Variants in CELF2 observed in about 807,000 individuals in gnomAD.
CELF2 encodes the protein CUGBP Elav-like family member 2.
CELF2 carries 8 observed loss-of-function variants against 62.6 expected under a neutral mutation model. That is an observed-to-expected ratio of 0.13 (90% CI 0.07 to 0.23). The LOEUF is 0.23. Ranked by LOEUF, CELF2 falls within the 10% of genes least tolerant of loss-of-function variation. The pLI is 1.00. For synonymous variants in CELF2, 258 were observed against 250.0 expected, an observed-to-expected ratio of 1.03 and a Z score of -0.30; for missense variants, 333 against 671.0, an observed-to-expected ratio of 0.50 and a Z score of 5.56.
chr10:10,470,573 C>G, the CELF2 span, among the ~76,000 whole-genome samples: 12 of 151,910 alleles, frequency 7.9e-5, no homozygotes, highest in East Asian at 2.1e-3. Context: ...CTGTAGACTT[C>G]CTCCTCAATC....
the CELF2 span, among the ~76,000 whole-genome samples, chr10:10,509,193 G>A: frequency 6.6e-6 from 1 of 152,128 alleles, no homozygotes; most frequent in East Asian, 1.9e-4. Flanking sequence ...TCATAATGTG[G>A]ATGTAAAGAG....
chr10:10,583,089 G>C, the CELF2 span, among the ~76,000 whole-genome samples: 1 of 152,286 alleles, frequency 6.6e-6, no homozygotes, highest in Non-Finnish European at 1.5e-5. Flanking sequence ...GAAAGACATA[G>C]GGGATAATGA....
chr10:10,635,632 A>G, the CELF2 span, among the ~76,000 whole-genome samples: 1 of 152,202 alleles, frequency 6.6e-6, no homozygotes, highest in African/African-American at 2.4e-5. Context: ...TCAAGTATAT[A>G]GATACATGTT....
the CELF2 span, among the ~76,000 whole-genome samples, chr10:10,757,238 A>G: frequency 1.3e-5 from 2 of 152,106 alleles, no homozygotes; most frequent in Admixed American, 6.6e-5. Context: ...TAGGAACATC[A>G]CTTGTGGCCA....
chr10:11,323,107 C>G (rs2095530742), intron 11 of CELF2, among the ~76,000 whole-genome samples: 1 of 152,144 alleles, frequency 6.6e-6, no homozygotes, highest in South Asian at 2.1e-4. Flanking sequence ...GAGGTTTCAT[C>G]TGAGCCCACT....
rs114975127 is a variant in CELF2, at chr10:11,328,389, C to G, written c.1439-537C>G. ...TCCTCCAGCTAAACAGGTGTAGGCT[C>G]TGTGTGACAGACGATGGAGAGCTCG... On this transcript the variant is annotated intron_variant, in intron 12 of 12. Coordinates refer to ENST00000633077, the MANE Select transcript of CELF2 (RefSeq NM_001326342.2). This position sits in a 1 kb window ranked among gnomAD's most constrained non-coding sequence, Gnocchi z 6.4. Among the ~76,000 whole-genome samples the G allele has an allele frequency of 3.3e-5, 5 of 152,034 alleles. No individual in the cohort carries two copies. The highest frequency in any genetic ancestry group is 7.3e-5 in the African/African-American group (3 of 41,376).
rs950714750 is a variant in CELF2 at position 10,947,282 on chromosome 10, T to A, written c.89+27283T>A. On this transcript the variant is annotated intron_variant, in intron 2 of 13. Coordinates refer to the CELF2 transcript ENST00000636488. This position sits in a 1 kb window ranked among gnomAD's most constrained non-coding sequence, Gnocchi z 4.1. Reference sequence around the variant, plus strand: ...ATGCACAGTTGGAAGGACATTTCTCTGGCCATCCTGAGCACATTTTTTCCT... The same window carrying A: ...ATGCACAGTTGGAAGGACATTTCTCAGGCCATCCTGAGCACATTTTTTCCT... The A allele has an allele frequency of 6.6e-6, 1 of 152,588 alleles. No individual in the cohort carries two copies. Among genetic ancestry groups the A allele is most frequent in the Non-Finnish European group, 1.5e-5 (1 of 68,054 alleles). 9.5% of individuals were successfully genotyped at this position (152,588 alleles called of 1,614,324 possible).
chr10:10,832,667 G>A (rs918294052), intron 1 of CELF2, among the ~76,000 whole-genome samples: 4 of 152,162 alleles, frequency 2.6e-5, no homozygotes, highest in Non-Finnish European at 5.9e-5. Flanking sequence ...ATTCAGGGCG[G>A]AAATCCCATA....
chr10:11,005,258 G>T (rs900465187), upstream of CELF2: 86 of 796,524 alleles, frequency 1.1e-4, no homozygotes, highest in Non-Finnish European at 1.4e-4. The surrounding 1 kb of genome is among the most constrained non-coding windows in gnomAD (Gnocchi z 4.3). Context: ...GAGAGAGGGA[G>T]AGAGAGAGAG....
At chr10:10,475,732 T>C in the CELF2 span, among the ~76,000 whole-genome samples, 1 of 152,154 alleles carries the variant, frequency 6.6e-6, no homozygotes, top group South Asian at 2.1e-4. Context: ...GTTAACACTT[T>C]GCTCAGGCCT....
chr10:11,184,492 A>G (rs531120213), intron 2 of CELF2, among the ~76,000 whole-genome samples: 1 of 152,274 alleles, frequency 6.6e-6, no homozygotes, highest in East Asian at 1.9e-4. Flanking sequence ...ATTGGGAGAA[A>G]TTTGTCATCT....
chr10:10,600,930 C>T, the CELF2 span, among the ~76,000 whole-genome samples: 63 of 152,314 alleles, frequency 4.1e-4, no homozygotes, highest in African/African-American at 1.4e-3. Context: ...GTCATCTGCC[C>T]ATGCCACATA....
chr10:10,899,555 C>T (rs1355545433), intron 1 of CELF2, among the ~76,000 whole-genome samples: 1 of 151,992 alleles, frequency 6.6e-6, no homozygotes, highest in Non-Finnish European at 1.5e-5. Flanking sequence ...GGTTTTTTTC[C>T]CCCAACCTTT....
At chr10:10,974,513 A>T (rs902148175) in intron 2 of CELF2, among the ~76,000 whole-genome samples, 2 of 152,200 alleles carry the variant, frequency 1.3e-5, no homozygotes, top group African/African-American at 4.8e-5. Context: ...ATAATAAAAA[A>T]TCTATGAAAT....
the CELF2 span, among the ~76,000 whole-genome samples, chr10:10,599,925 G>A: frequency 1.3e-5 from 2 of 151,828 alleles, no homozygotes; most frequent in Admixed American, 6.6e-5. Context: ...TAGAGATGGG[G>A]TTTCACCCTG....
At chr10:11,141,005 G>A (rs1024741335) in intron 1 of CELF2, among the ~76,000 whole-genome samples, 1 of 152,194 alleles carries the variant, frequency 6.6e-6, no homozygotes, top group African/African-American at 2.4e-5. Flanking sequence ...GACAGAAGGA[G>A]ACCCTGTCTT....
intron 1 of CELF2, among the ~76,000 whole-genome samples, chr10:10,906,795 T>C (rs2063386141): frequency 7.4e-6 from 1 of 135,548 alleles, no homozygotes; most frequent in African/African-American, 2.8e-5. Flanking sequence ...CTCGGCTCAC[T>C]GCAACCTCCA....
chr10:10,760,179 T>C, the CELF2 span, among the ~76,000 whole-genome samples: 1 of 152,172 alleles, frequency 6.6e-6, no homozygotes, highest in African/African-American at 2.4e-5. Context: ...GCTGGGATTA[T>C]AGACGTGAGC....
the CELF2 span, among the ~76,000 whole-genome samples, chr10:10,643,277 A>T: frequency 2.0e-5 from 3 of 151,958 alleles, no homozygotes; most frequent in Non-Finnish European, 4.4e-5. Flanking sequence ...CCCGTGTATC[A>T]TGGGAGGGAC....
Sources: gnomAD v4.1 joint callset for allele counts (sites outside exome capture counted in the v4.1 genomes callset) on GRCh38, gnomAD v4.1.1 for gene constraint, Gnocchi (gnomAD v3.1) non-coding constraint, MANE v1.5 for transcripts, NCBI Gene and HGNC (gene_info 2026-07-23, HGNC 2026-07-21) for gene names.